POLN: variants seen among roughly 807,000 people sequenced by gnomAD.
POLN encodes DNA polymerase N.
POLN carries 108 observed loss-of-function variants against 113.5 expected under a neutral mutation model. The ratio of observed to expected loss-of-function variants is 0.95; its 90% CI spans 0.81 to 1.12. The LOEUF (loss-of-function observed/expected upper bound fraction) is 1.12. Ranked by LOEUF, POLN falls within the 50% of genes most tolerant of loss-of-function variation. POLN has a pLI of 0.00. For missense variants in POLN, 1,097 were observed against 1,077.1 expected (o/e 1.02, Z -0.26); for synonymous variants, 386 against 391.5 (o/e 0.99, Z 0.17).
At chr4:2,129,625 A>C (rs954192000) in intron 17 of POLN, among the ~76,000 whole-genome samples, 3 of 152,220 alleles carry the variant, frequency 2.0e-5, no homozygotes, top group Admixed American at 1.3e-4. Flanking sequence ...CTCAGACTTA[A>C]GCAATCCTCC....
chr4:2,173,833 C>A, intron 11 of POLN, 122 bp downstream of exon 11: 3 of 956,786 alleles, frequency 3.1e-6, no homozygotes, highest in Non-Finnish European at 4.9e-6. Flanking sequence ...GAGGGAGAAA[C>A]ACTGTCAACA....
At position 2,179,336 on chromosome 4, in the gene POLN, G is replaced by C; in HGVS notation, c.1151C>G (p.Thr384Arg). ...EKSITVKVNS[T>R]YGNSSRNIVN... Reference sequence around the variant, plus strand: ...AATATTTCTTGAGGAATTTCCATATGTGCTGTTCACTTTAACTGTAATGGA... The same window carrying C: ...AATATTTCTTGAGGAATTTCCATATCTGCTGTTCACTTTAACTGTAATGGA... The change falls in exon 8 of 26, where the codon ACA (threonine) becomes AGA (arginine). Residue 384 changes from threonine to arginine, a missense_variant. By Grantham distance (71) the Thr-to-Arg change is moderately conservative. Coordinates refer to ENST00000511885, the MANE Select transcript of POLN (RefSeq NM_181808.4). 1 of 1,612,972 alleles carries C rather than the reference G, an allele frequency of 6.2e-7. No individual in the cohort carries two copies. Among genetic ancestry groups the C allele is most frequent in the Non-Finnish European group, 8.5e-7 (1 of 1,179,230 alleles).
intron 20 of POLN, among the ~76,000 whole-genome samples, chr4:2,086,285 G>T (rs1730547872): frequency 6.6e-6 from 1 of 152,068 alleles, no homozygotes; most frequent in African/African-American, 2.4e-5. Flanking sequence ...GATCAGCCTG[G>T]GCAACAAAGT....
At chr4:2,138,887 C>T (rs562889973) in intron 16 of POLN, among the ~76,000 whole-genome samples, 9 of 150,364 alleles carry the variant, frequency 6.0e-5, no homozygotes, top group African/African-American at 2.2e-4. Context: ...GAGTGAGACT[C>T]TGTCTCAAAA....
intron 16 of POLN, among the ~76,000 whole-genome samples, chr4:2,152,467 A>T (rs897647541): frequency 1.3e-5 from 2 of 150,828 alleles, no homozygotes; most frequent in Non-Finnish European, 3.0e-5. Flanking sequence ...TCAGCCTCCC[A>T]ATTAGCTACC....
At chr4:2,137,685 T>C (rs1411017579) in intron 16 of POLN, among the ~76,000 whole-genome samples, 3 of 152,098 alleles carry the variant, frequency 2.0e-5, no homozygotes, top group Non-Finnish European at 4.4e-5. Flanking sequence ...TCTTGAACAC[T>C]GCTTTCCCGA....
At chr4:2,084,937 A>C (rs1320411362) in intron 21 of POLN, among the ~76,000 whole-genome samples, 1 of 152,196 alleles carries the variant, frequency 6.6e-6, no homozygotes, top group Non-Finnish European at 1.5e-5. Flanking sequence ...TTTCTTGTGT[A>C]GAACACAACT....
chr4:2,235,854 T>A (rs1734744104), intron 2 of POLN, among the ~76,000 whole-genome samples: 1 of 152,062 alleles, frequency 6.6e-6, no homozygotes, highest in Non-Finnish European at 1.5e-5. Flanking sequence ...GAGAGAGGAA[T>A]TATATTAGGA....
intron 24 of POLN, among the ~76,000 whole-genome samples, chr4:2,074,469 T>C (rs1730229701): frequency 6.6e-6 from 1 of 152,214 alleles, no homozygotes; most frequent in Non-Finnish European, 1.5e-5. Context: ...TTTTCTTTCC[T>C]TTTTTAACCT....
At chr4:2,169,022 A>G (rs1329064411) in intron 13 of POLN, among the ~76,000 whole-genome samples, 2 of 152,236 alleles carry the variant, frequency 1.3e-5, no homozygotes, top group Non-Finnish European at 2.9e-5. Context: ...CTGGGTGACC[A>G]GAGGTCTCCT....
intron 5 of POLN, 112 bp downstream of exon 5, chr4:2,207,875 A>G: frequency 1.6e-6 from 2 of 1,232,406 alleles, no homozygotes; most frequent in Non-Finnish European, 2.2e-6. Flanking sequence ...ACTGGAGGGG[A>G]AGGAAAGCCT....
chr4:2,215,246 A>G (rs530495416), intron 3 of POLN, among the ~76,000 whole-genome samples: 6 of 152,270 alleles, frequency 3.9e-5, no homozygotes, highest in African/African-American at 1.4e-4. Context: ...TGCAGGGGGG[A>G]AAATGACTCC....
At chr4:2,140,655 T>C (rs971945140) in intron 16 of POLN, among the ~76,000 whole-genome samples, 10 of 151,762 alleles carry the variant, frequency 6.6e-5, no homozygotes, top group Non-Finnish European at 1.5e-4. Context: ...GGCTGAGGCA[T>C]GAGCATTGCT....
intron 3 of POLN, among the ~76,000 whole-genome samples, chr4:2,219,611 C>T (rs908599933): frequency 6.6e-6 from 1 of 152,196 alleles, no homozygotes; most frequent in Admixed American, 6.5e-5. Context: ...GAAGCCGATG[C>T]TCCCCACTCC....
chr4:2,129,235 G>A lies in POLN; in HGVS notation c.1811C>T (p.Thr604Met), dbSNP rs376518009. 3.8e-5 allele frequency: 61 copies of A among 1,596,470 alleles called. No homozygotes were observed. The Middle Eastern group carries it at 1.2e-3, about 30-fold the overall frequency. ...NFKGKEDKIL[T>M]ISPRAMFVSS... is the part of the protein sequence containing the mutation. ...AACAAACATGGCCCTCGGGGAGATC[G>A]TGAGAATCTTGTCTTCTTTACCTGA... Residue 604 changes from threonine (T) to methionine (M), a missense_variant, in exon 18 of 26, where the codon ACG becomes ATG. By Grantham distance (81) the Thr-to-Met change is moderately conservative (BLOSUM62 -1). Coordinates refer to ENST00000511885, the MANE Select transcript of POLN (RefSeq NM_181808.4).
intron 6 of POLN, 31 bp downstream of exon 6, chr4:2,198,493 G>C (rs751463314): frequency 9.0e-6 from 14 of 1,553,782 alleles, no homozygotes; most frequent in Non-Finnish European, 6.1e-6. Context: ...CATGTAAGTA[G>C]GGTGTGAGCC....
Position 2,198,621 on chromosome 4 carries a change from G to C in POLN, c.811C>G (p.Leu271Val), listed in dbSNP as rs1733638637. The C allele has an allele frequency of 1.2e-6, 2 of 1,613,834 alleles. No homozygotes were observed. The highest frequency in any genetic ancestry group is 1.7e-6 in the Non-Finnish European group (2 of 1,179,994). The change falls in exon 6 of 26, where the codon CTG becomes GTG. Residue 271 changes from leucine to valine, a missense_variant. Coordinates refer to ENST00000511885, the MANE Select transcript of POLN (RefSeq NM_181808.4). Reference sequence around the variant, plus strand: ...GGATCATCTGACACAAAGCCCTCCAGAACAGGACCACAGGCCGGGGCATCT... The same window carrying C: ...GGATCATCTGACACAAAGCCCTCCACAACAGGACCACAGGCCGGGGCATCT... ...CPDAPACGPV[L>V]EGFVSDDPCI... is the part of the protein sequence containing the mutation.
rs147342911 is a variant in POLN at position 2,105,804 on chromosome 4, GTGATGA to G, written c.1983-9877_1983-9872del. Among the ~76,000 whole-genome samples, 562 of 144,908 alleles carry G rather than the reference GTGATGA, an allele frequency of 3.9e-3. 3 individuals are homozygous for G. Among genetic ancestry groups the G allele is most frequent in the African/African-American group, 0.011 (437 of 39,390 alleles). On this transcript the variant is annotated intron_variant, in intron 19 of 25. Coordinates refer to ENST00000511885, the MANE Select transcript of POLN (RefSeq NM_181808.4). ...AGGAGCCCACTCTCCCAGACAAATA[GTGATGA>G]TGATGATGATGATGATGATGATGAT...
At chr4:2,170,925 A>T (rs1732844897) in intron 12 of POLN, 151 bp from the exon 13 acceptor site, 1 of 929,006 alleles carries the variant, frequency 1.1e-6, no homozygotes, top group Non-Finnish European at 1.6e-6. Flanking sequence ...CTTTTCTACA[A>T]GTTAAAGGCT....
Sources: allele counts gnomAD v4.1 joint callset (sites outside exome capture counted in the v4.1 genomes callset), GRCh38; gene constraint gnomAD v4.1.1; transcripts MANE v1.5; gene names NCBI Gene and HGNC (gene_info 2026-07-23, HGNC 2026-07-21).